EXD1: variants seen among roughly 807,000 people sequenced by gnomAD.
EXD1 encodes piRNA biogenesis protein EXD1.
EXD1 carries 63 observed loss-of-function variants against 49.1 expected under a neutral mutation model. That is an observed-to-expected ratio of 1.28 (90% CI 1.05 to 1.58). The LOEUF is 1.58. Ranked by LOEUF, EXD1 falls within the 40% of genes most tolerant of loss-of-function variation. The pLI, the probability that EXD1 is intolerant of heterozygous loss-of-function variation, is 0.00. For synonymous variants in EXD1, 234 were observed against 239.2 expected, an observed-to-expected ratio of 0.98 and a Z score of 0.20; for missense variants, 748 against 666.0, an observed-to-expected ratio of 1.12 and a Z score of -1.36.
At position 41,184,154 on chromosome 15, in the gene EXD1, A is replaced by G; in HGVS notation, c.1496T>C (p.Leu499Ser). Reference protein sequence around the residue: ...MTPKHEFQASLSLKEETEQLL... With the variant: ...MTPKHEFQASSSLKEETEQLL... ...CTGTTCTGTCTCCTCTTTCAAAGAT[A>G]AACTTGCCTGAAACTCATGTTTGGG... Residue 499 changes from leucine (L) to serine (S), a missense_variant, in exon 12 of 12, where the codon TTA becomes TCA. Physicochemically the swap from Leu to Ser is moderately radical, Grantham distance 145. Transcript: ENST00000458580. The G allele has an allele frequency of 6.2e-7, 1 of 1,614,224 alleles. No individual in the cohort carries two copies. The highest frequency in any genetic ancestry group is 8.5e-7 in the Non-Finnish European group (1 of 1,180,046).
At position 41,215,846 on chromosome 15, in the gene EXD1, G is replaced by A. The variant is rs770041221; in HGVS notation, c.389-13C>T. The A allele has an allele frequency of 3.7e-6, 6 of 1,611,884 alleles. No individual in the cohort carries two copies. In the East Asian group the frequency reaches 1.3e-4, roughly 36 times the overall value. On this transcript the variant is annotated splice_polypyrimidine_tract_variant and intron_variant, in intron 5 of 11. Transcript: ENST00000458580. ...ACCTCCTCTTCCTCTACAAGACAAG[G>A]ATTGCATTAGATATATTTCTCTTCC...
intron 7 of EXD1, 82 bp downstream of exon 7, chr15:41,209,419 G>A (rs2046885752): frequency 2.4e-6 from 3 of 1,238,878 alleles, no homozygotes; most frequent in East Asian, 2.4e-5. Context: ...CTAAAATACA[G>A]TTTTCAAAAA....
Position 41,192,594 on chromosome 15 carries a change from A to ATTTTTTTTTTTTTTTT in EXD1, c.721-1025_721-1010dup, listed in dbSNP as rs59054803. On this transcript the variant is annotated intron_variant, in intron 9 of 11. Transcript: ENST00000458580. ...ACAGGCGTGAACCACTGCGCCAGGCATTTTTTTTTTTTTTTTTTTTTTTTT... is the reference window on the plus strand; with the variant it reads ...ACAGGCGTGAACCACTGCGCCAGGCATTTTTTTTTTTTTTTTTTTTTTTTTTTTTTTTTTTTTTTTT... Among the ~76,000 whole-genome samples, 8 of 40,838 alleles carry ATTTTTTTTTTTTTTTT rather than the reference A, an allele frequency of 2.0e-4. 3 individuals are homozygous for ATTTTTTTTTTTTTTTT. The highest frequency in any genetic ancestry group is 3.3e-4 in the Non-Finnish European group (6 of 18,058). 26.8% of individuals were successfully genotyped at this position (40,838 alleles called of 152,430 possible). A position where few individuals can be genotyped will look rare whatever the true frequency, so the allele number is the denominator to read the frequency against.
intron 7 of EXD1, among the ~76,000 whole-genome samples, chr15:41,208,189 G>C (rs2046863666): frequency 6.6e-6 from 1 of 151,530 alleles, no homozygotes; most frequent in South Asian, 2.1e-4. Context: ...GTTTAGGGTT[G>C]TTTTAAGTAA....
chr15:41,202,681 G>T (rs2046751323), intron 7 of EXD1, among the ~76,000 whole-genome samples: 1 of 152,008 alleles, frequency 6.6e-6, no homozygotes, highest in Non-Finnish European at 1.5e-5. Context: ...TGCTCAGGCT[G>T]GTCTCCAACT....
In EXD1 at chr15:41,190,062, C is replaced by A. The variant is rs778438850; in HGVS notation, c.931G>T (p.Ala311Ser). The change falls in exon 11 of 12, where the codon GCT becomes TCT. Residue 311 changes from alanine (A) to serine (S), a missense_variant. Coordinates refer to ENST00000458580, the MANE Select transcript of EXD1 (RefSeq NM_001286441.2). Reference protein sequence around the residue: ...PSLLKILALEATYLLPLRLAL... With the variant: ...PSLLKILALESTYLLPLRLAL... ...AAGCGAAGGGGTAACAGGTAGGTAG[C>A]TTCCAGGGCCAAAATTTTCAGTAAA... 1 of 1,614,160 alleles carries A rather than the reference C, an allele frequency of 6.2e-7. No individual in the cohort carries two copies. Among genetic ancestry groups the A allele is most frequent in the East Asian group, 2.2e-5 (1 of 44,882 alleles).
intron 11 of EXD1, among the ~76,000 whole-genome samples, chr15:41,185,523 G>GT (rs1296926108): frequency 6.0e-5 from 9 of 150,888 alleles, no homozygotes; most frequent in East Asian, 5.8e-4. Context: ...TTTTTGTGGG[G>GT]TTTTTTTTGA....
intron 7 of EXD1, among the ~76,000 whole-genome samples, chr15:41,196,772 G>A (rs1174217289): frequency 1.3e-5 from 2 of 151,868 alleles, no homozygotes; most frequent in African/African-American, 4.8e-5. Context: ...TCACCATGTT[G>A]GCCAGGCTGG....
At chr15:41,191,052 C>A (rs1040361547) in intron 10 of EXD1, among the ~76,000 whole-genome samples, 1 of 152,058 alleles carries the variant, frequency 6.6e-6, no homozygotes, top group South Asian at 2.1e-4. Flanking sequence ...CTCAGCCTCC[C>A]GAGTAGCTGA....
In EXD1 at chr15:41,209,488, A is replaced by G; in HGVS notation, c.534+13T>C. ...AATTACTTCAAAATAAAAAGTTTTC[A>G]AAAATCTTTCACCTGCAGCCAGCAC... On this transcript the variant is annotated intron_variant, in intron 7 of 11. Transcript: ENST00000458580. 6.2e-7 allele frequency: 1 copy of G among 1,607,674 alleles called. No homozygotes were observed. The highest frequency in any genetic ancestry group is 8.5e-7 in the Non-Finnish European group (1 of 1,178,542).
Position 41,183,981 on chromosome 15 carries a change from C to T in EXD1, c.1669G>A (p.Ala557Thr), listed in dbSNP as rs764412796. 1 of 1,612,638 alleles carries T rather than the reference C, an allele frequency of 6.2e-7. No individual in the cohort carries two copies. The highest frequency in any genetic ancestry group is 8.5e-7 in the Non-Finnish European group (1 of 1,179,280). Residue 557 changes from alanine to threonine, a missense_variant, in exon 12 of 12, where the codon GCC becomes ACC. Ala to Thr is a moderately conservative substitution (Grantham distance 58). Coordinates refer to ENST00000458580, the MANE Select transcript of EXD1 (RefSeq NM_001286441.2). The part of the protein sequence containing the change: ...TVVSTLPPCP[A>T]LEKIDSWISP... ...ATCCAGGAATCGATCTTCTCCAAGG[C>T]TGGACAGGGAGGGAGTGTGGAAACC...
chr15:41,208,369 GAAAAAAAAAAAAAAA>G (rs10586810), intron 7 of EXD1, among the ~76,000 whole-genome samples: 4 of 62,680 alleles, frequency 6.4e-5, no homozygotes, highest in African/African-American at 2.1e-4. Flanking sequence ...ACTCATCTCT[GAAAAAAAAAAAAAAA>G]AAAAAAAAAG....
chr15:41,199,230 G>C (rs886658364), intron 7 of EXD1, among the ~76,000 whole-genome samples: 1 of 151,862 alleles, frequency 6.6e-6, no homozygotes, highest in African/African-American at 2.4e-5. Flanking sequence ...GGGATTACAG[G>C]CATGAGCTAC....
intron 3 of EXD1, among the ~76,000 whole-genome samples, chr15:41,217,915 G>C (rs959032943): frequency 2.6e-5 from 4 of 152,132 alleles, no homozygotes; most frequent in Admixed American, 2.0e-4. Context: ...ATTGAATCTG[G>C]AGCAGAGAAA....
chr15:41,190,148 T>A lies in EXD1; in HGVS notation c.865-20A>T. On this transcript the variant is annotated intron_variant, in intron 10 of 11. Coordinates refer to ENST00000458580, the MANE Select transcript of EXD1 (RefSeq NM_001286441.2). ...ATTTTCCTGGAGACAATAAAACAAT[T>A]TCCTCTGAACAGTAAGCAAGACTTT... The A allele has an allele frequency of 6.2e-7, 1 of 1,613,020 alleles. No homozygotes were observed. Among genetic ancestry groups the A allele is most frequent in the East Asian group, 2.2e-5 (1 of 44,862 alleles).
chr15:41,219,817 A>T lies in EXD1; in HGVS notation c.202+13T>A. The stretch of plus-strand genomic sequence containing the variant: ...CTCAGTACTAGCATTTTCAAGGAAC[A>T]TGGGGGTCTCACCATTCACAATCTC... On this transcript the variant is annotated intron_variant, in intron 3 of 11. Transcript: ENST00000458580. 6.5e-7 allele frequency: 1 copy of T among 1,533,226 alleles called. No individual in the cohort carries two copies. 95.0% of individuals were successfully genotyped at this position (1,533,226 alleles called of 1,614,324 possible).
At chr15:41,205,611 C>G (rs2046809439) in intron 7 of EXD1, among the ~76,000 whole-genome samples, 1 of 151,426 alleles carries the variant, frequency 6.6e-6, no homozygotes, top group Non-Finnish European at 1.5e-5. Flanking sequence ...AACCCTGTCT[C>G]CACAAAAAAT....
At chr15:41,190,645 A>G (rs2046499025) in intron 10 of EXD1, among the ~76,000 whole-genome samples, 1 of 152,200 alleles carries the variant, frequency 6.6e-6, no homozygotes, top group Non-Finnish European at 1.5e-5. Context: ...TGTGTAACAG[A>G]GAAAGAGAGG....
At chr15:41,207,686 C>T (rs565228407) in intron 7 of EXD1, among the ~76,000 whole-genome samples, 96 of 151,828 alleles carry the variant, frequency 6.3e-4, no homozygotes, top group Non-Finnish European at 1.3e-3. Flanking sequence ...CACACAAGCC[C>T]AAGGATCTGG....
Sources: gnomAD v4.1 joint callset for allele counts (sites outside exome capture counted in the v4.1 genomes callset) on GRCh38, gnomAD v4.1.1 for gene constraint, MANE v1.5 for transcripts, NCBI Gene and HGNC (gene_info 2026-07-23, HGNC 2026-07-21) for gene names.